Variants in KSR2 observed in about 807,000 individuals in gnomAD.
KSR2 encodes kinase suppressor of ras 2.
KSR2 carries 25 observed loss-of-function variants against 107.8 expected under a neutral mutation model. That is an observed-to-expected ratio of 0.23 (90% CI 0.17 to 0.32). The LOEUF (loss-of-function observed/expected upper bound fraction) is 0.32, where lower values mean the gene tolerates loss of function less well. KSR2 is among the 10% of genes least tolerant of loss of function. The pLI is 1.00. For synonymous variants in KSR2, 480 were observed against 507.0 expected, an observed-to-expected ratio of 0.95 and a Z score of 0.71; for missense variants, 887 against 1,268.9, an observed-to-expected ratio of 0.70 and a Z score of 4.57.
chr12:117,607,966 A>C (rs1196289133), intron 5 of KSR2, among the ~76,000 whole-genome samples: 1 of 152,204 alleles, frequency 6.6e-6, no homozygotes, highest in Admixed American at 6.5e-5. Context: ...TCAGCACTGC[A>C]GCCCGGCCAA....
intron 1 of KSR2, among the ~76,000 whole-genome samples, chr12:117,942,493 CTTT>C (rs201100401): frequency 1.4e-5 from 2 of 138,232 alleles, no homozygotes; most frequent in Non-Finnish European, 1.6e-5. Flanking sequence ...CTTTTTTTTT[CTTT>C]TTTTTTTTTT....
chr12:117,788,566 A>C (rs1001803510), intron 3 of KSR2, among the ~76,000 whole-genome samples: 16 of 152,166 alleles, frequency 1.1e-4, no homozygotes, highest in African/African-American at 3.9e-4. Context: ...CAGTGGCATG[A>C]TCTCAGCTCA....
At chr12:117,499,646 C>T (rs548736046) in intron 14 of KSR2, among the ~76,000 whole-genome samples, 1 of 152,354 alleles carries the variant, frequency 6.6e-6, no homozygotes, top group Non-Finnish European at 1.5e-5. Context: ...GTTTAGCCCA[C>T]TCTGGTCCTC....
At chr12:117,568,402 T>G (rs541634369) in intron 7 of KSR2, among the ~76,000 whole-genome samples, 1 of 152,108 alleles carries the variant, frequency 6.6e-6, no homozygotes, top group African/African-American at 2.4e-5. Context: ...GTTCTGCTTG[T>G]TTAGTTAAAG....
chr12:117,619,999 T>C (rs980388255), intron 5 of KSR2, among the ~76,000 whole-genome samples: 1 of 152,112 alleles, frequency 6.6e-6, no homozygotes, highest in Non-Finnish European at 1.5e-5. Context: ...TCTCCATATA[T>C]TTGCCTTTGC....
At position 117,639,486 on chromosome 12, in the gene KSR2, T is replaced by C. The variant is rs1370066535; in HGVS notation, c.1171+27988A>G. On this transcript the variant is annotated intron_variant, in intron 5 of 19. Transcript: ENST00000339824. Reference sequence around the variant, plus strand: ...CTGGGATTACAGGTGTGCACCACCATGCCCGGCTAATTTTTGTATTTTTAG... The same window carrying C: ...CTGGGATTACAGGTGTGCACCACCACGCCCGGCTAATTTTTGTATTTTTAG... Among the ~76,000 whole-genome samples, 5 of 151,070 alleles carry C rather than the reference T, an allele frequency of 3.3e-5. No homozygotes were observed. In the East Asian group the frequency reaches 5.9e-4, roughly 18 times the overall value.
chr12:117,766,561 C>G (rs1889234991), intron 3 of KSR2, among the ~76,000 whole-genome samples: 1 of 152,014 alleles, frequency 6.6e-6, no homozygotes, highest in Non-Finnish European at 1.5e-5. Context: ...ATTTTCCCTA[C>G]ATAAAATGAA....
intron 5 of KSR2, among the ~76,000 whole-genome samples, chr12:117,627,352 C>T (rs183533661): frequency 0.015 from 2,224 of 152,218 alleles, 25 homozygotes; most frequent in Non-Finnish European, 0.021. Context: ...TTACTTCTTT[C>T]CATGTTTAGT....
intron 4 of KSR2, among the ~76,000 whole-genome samples, chr12:117,686,995 G>T (rs189375508): frequency 4.6e-5 from 7 of 152,256 alleles, no homozygotes; most frequent in Middle Eastern, 3.4e-3. Context: ...GGGTGCCCAG[G>T]GCTAGTTGCT....
At chr12:117,633,254 G>C (rs1293754034) in intron 5 of KSR2, among the ~76,000 whole-genome samples, 1 of 152,142 alleles carries the variant, frequency 6.6e-6, no homozygotes, top group Non-Finnish European at 1.5e-5. Context: ...CCTGCTTCAA[G>C]TCCCTGGAAG....
chr12:117,522,113 T>C (rs1874791089), intron 14 of KSR2, among the ~76,000 whole-genome samples: 1 of 152,132 alleles, frequency 6.6e-6, no homozygotes, highest in Non-Finnish European at 1.5e-5. Context: ...GTGAAATCTG[T>C]AGGCAGTTAT....
At chr12:117,646,665 G>A (rs114221900) in intron 5 of KSR2, among the ~76,000 whole-genome samples, 1,915 of 152,214 alleles carry the variant, frequency 0.013, 35 homozygotes, top group African/African-American at 0.044. Flanking sequence ...AGTCAGCATC[G>A]AGTTTCTTCT....
chr12:117,918,833 G>A lies in KSR2; in HGVS notation c.180+49243C>T, dbSNP rs1449022230. ...TCTTTTAAACTTTTTCTGCAGGCGGGGTAGCTCACACCTGTAATCCCAGCA... is the reference window on the plus strand; with the variant it reads ...TCTTTTAAACTTTTTCTGCAGGCGGAGTAGCTCACACCTGTAATCCCAGCA... On this transcript the variant is annotated intron_variant, in intron 1 of 19. Coordinates refer to ENST00000339824, the MANE Select transcript of KSR2 (RefSeq NM_173598.6). Among the ~76,000 whole-genome samples the A allele has an allele frequency of 2.0e-5, 3 of 151,952 alleles. No individual in the cohort carries two copies. The East Asian group carries it at 5.8e-4, about 29-fold the overall frequency.
At chr12:117,810,753 C>T (rs1891163016) in intron 3 of KSR2, among the ~76,000 whole-genome samples, 1 of 152,006 alleles carries the variant, frequency 6.6e-6, no homozygotes, top group Non-Finnish European at 1.5e-5. Context: ...TTTAACCATC[C>T]CAGACCTCCA....
At chr12:117,905,803 A>G (rs1894823295) in intron 1 of KSR2, among the ~76,000 whole-genome samples, 1 of 151,558 alleles carries the variant, frequency 6.6e-6, no homozygotes, top group Admixed American at 6.6e-5. Flanking sequence ...GAAATTGTAT[A>G]CCCTTGTCTT....
intron 9 of KSR2, among the ~76,000 whole-genome samples, chr12:117,547,557 A>T (rs1233643533): frequency 1.3e-5 from 2 of 152,142 alleles, no homozygotes; most frequent in African/African-American, 4.8e-5. Flanking sequence ...CAGCTTGACA[A>T]GGATGGGAGT....
At chr12:117,621,237 C>T (rs1882180290) in intron 5 of KSR2, among the ~76,000 whole-genome samples, 1 of 152,184 alleles carries the variant, frequency 6.6e-6, no homozygotes. Context: ...GACATGCCTG[C>T]TTCCCCTTCC....
At chr12:117,940,554 A>T (rs1895976954) in intron 1 of KSR2, among the ~76,000 whole-genome samples, 1 of 152,188 alleles carries the variant, frequency 6.6e-6, no homozygotes, top group South Asian at 2.1e-4. Flanking sequence ...TCAGTGGTGT[A>T]CTGCAGTGTT....
intron 3 of KSR2, among the ~76,000 whole-genome samples, chr12:117,809,310 C>T (rs984942709): frequency 6.6e-6 from 1 of 152,092 alleles, no homozygotes; most frequent in African/African-American, 2.4e-5. Flanking sequence ...CTGGCTAATT[C>T]TTTGTTGATG....
Sources: allele counts gnomAD v4.1 joint callset (sites outside exome capture counted in the v4.1 genomes callset), GRCh38; gene constraint gnomAD v4.1.1; transcripts MANE v1.5; gene names NCBI Gene and HGNC (gene_info 2026-07-23, HGNC 2026-07-21).